The following EFNA5 variants were observed in gnomAD, a reference collection of about 807,000 sequenced individuals.
EFNA5 encodes the protein ephrin-A5.
Under a neutral mutation model 22.9 loss-of-function variants are expected in EFNA5, and 5 were observed. That is an observed-to-expected ratio of 0.22 (90% CI 0.11 to 0.46). The LOEUF (loss-of-function observed/expected upper bound fraction) is 0.46, where lower values mean the gene tolerates loss of function less well. EFNA5 is among the 20% of genes least tolerant of loss of function. EFNA5 has a pLI of 0.99. For synonymous variants in EFNA5, 113 were observed against 112.2 expected, an observed-to-expected ratio of 1.01 and a Z score of -0.04; for missense variants, 237 against 293.3, an observed-to-expected ratio of 0.81 and a Z score of 1.40.
At chr5:107,621,142 C>T (rs555835942) in intron 1 of EFNA5, among the ~76,000 whole-genome samples, 36 of 152,314 alleles carry the variant, frequency 2.4e-4, no homozygotes, top group African/African-American at 8.7e-4. Flanking sequence ...ATCATATTCA[C>T]ACTTCTGAAA....
At chr5:107,645,302 C>T (rs1580579224) in intron 1 of EFNA5, among the ~76,000 whole-genome samples, 1 of 152,282 alleles carries the variant, frequency 6.6e-6, no homozygotes, top group East Asian at 1.9e-4. Flanking sequence ...TCCGGGCTAC[C>T]TTTAAACTTG....
At chr5:107,499,312 A>G (rs1747078783) in intron 1 of EFNA5, among the ~76,000 whole-genome samples, 2 of 152,200 alleles carry the variant, frequency 1.3e-5, no homozygotes, top group Non-Finnish European at 2.9e-5. Flanking sequence ...TCTCTGAGTA[A>G]CAACAGGTTG....
Position 107,559,055 on chromosome 5 carries a change from T to C in EFNA5, c.125+111434A>G, listed in dbSNP as rs1468047477. Reference sequence around the variant, plus strand: ...GATGACAGAATGGCAAGAAGGGATGTTTGAGATAATCTTATGTTTCAGGGA... The same window carrying C: ...GATGACAGAATGGCAAGAAGGGATGCTTGAGATAATCTTATGTTTCAGGGA... On this transcript the variant is annotated intron_variant, in intron 1 of 4. Transcript: ENST00000333274. 2.0e-5 allele frequency among the ~76,000 whole-genome samples: 3 copies of C among 152,162 alleles called. No homozygotes were observed. The South Asian group carries it at 6.2e-4, about 32-fold the overall frequency.
intron 1 of EFNA5, among the ~76,000 whole-genome samples, chr5:107,654,305 C>A (rs1240523020): frequency 6.6e-6 from 1 of 152,060 alleles, no homozygotes; most frequent in Non-Finnish European, 1.5e-5. Context: ...AAATATGAAA[C>A]TACTTAACCA....
At chr5:107,491,908 C>T (rs931277671) in intron 1 of EFNA5, among the ~76,000 whole-genome samples, 6 of 152,180 alleles carry the variant, frequency 3.9e-5, no homozygotes, top group African/African-American at 1.4e-4. Flanking sequence ...AATCTCGGCT[C>T]ACTGCAACCT....
chr5:107,393,984 T>C (rs950299575), intron 2 of EFNA5, among the ~76,000 whole-genome samples: 2 of 152,182 alleles, frequency 1.3e-5, no homozygotes, highest in Non-Finnish European at 2.9e-5. Context: ...CACAGAAAAC[T>C]TGTTAAAACA....
intron 1 of EFNA5, among the ~76,000 whole-genome samples, chr5:107,462,197 C>G (rs1393772604): frequency 2.0e-5 from 3 of 151,852 alleles, no homozygotes; most frequent in Admixed American, 1.3e-4. Flanking sequence ...GAGTGAAGAA[C>G]TGAGAAAGAT....
chr5:107,439,098 C>G (rs975682300), intron 1 of EFNA5, among the ~76,000 whole-genome samples: 1 of 152,122 alleles, frequency 6.6e-6, no homozygotes, highest in Non-Finnish European at 1.5e-5. Context: ...TAAGCCCCAA[C>G]CCACAATGTG....
Position 107,652,984 on chromosome 5 carries a change from T to A in EFNA5, c.125+17505A>T, listed in dbSNP as rs76419334. Reference sequence around the variant, plus strand: ...ATGGCATATGGTTCTCCCTCACCCATCTGATGCCCCAGGGATGCCAAGGCA... The same window carrying A: ...ATGGCATATGGTTCTCCCTCACCCAACTGATGCCCCAGGGATGCCAAGGCA... On this transcript the variant is annotated intron_variant, in intron 1 of 4. Coordinates refer to ENST00000333274, the MANE Select transcript of EFNA5 (RefSeq NM_001962.3). 9.9e-5 allele frequency among the ~76,000 whole-genome samples: 15 copies of A among 152,104 alleles called. No homozygotes were observed. The South Asian group carries it at 2.1e-3, about 21-fold the overall frequency.
intron 1 of EFNA5, among the ~76,000 whole-genome samples, chr5:107,497,556 G>A (rs1747019097): frequency 6.6e-6 from 1 of 152,170 alleles, no homozygotes; most frequent in Non-Finnish European, 1.5e-5. Context: ...TCTAAAGAAG[G>A]CATAAGATGC....
chr5:107,585,920 T>C (rs1269186458), intron 1 of EFNA5, among the ~76,000 whole-genome samples: 2 of 152,198 alleles, frequency 1.3e-5, no homozygotes, highest in African/African-American at 4.8e-5. Flanking sequence ...CACTGGTATG[T>C]TTAATGCTGC....
At chr5:107,556,651 C>T (rs941372731) in intron 1 of EFNA5, among the ~76,000 whole-genome samples, 2 of 151,784 alleles carry the variant, frequency 1.3e-5, no homozygotes, top group Admixed American at 6.6e-5. Context: ...GAGGCTGGCA[C>T]GGGAGAATCG....
chr5:107,533,587 T>G (rs1216089619), intron 1 of EFNA5, among the ~76,000 whole-genome samples: 1 of 152,220 alleles, frequency 6.6e-6, no homozygotes, highest in Non-Finnish European at 1.5e-5. Context: ...AAGGAAGGTC[T>G]ACCTAATCTT....
At chr5:107,535,205 TAGAA>T (rs911992846) in intron 1 of EFNA5, among the ~76,000 whole-genome samples, 14 of 152,206 alleles carry the variant, frequency 9.2e-5, no homozygotes, top group African/African-American at 3.1e-4. Flanking sequence ...ACTGCAGACT[TAGAA>T]AGGAAAAATA....
At chr5:107,414,429 TTGTGAGCTCCTA>T (rs1362445973) in intron 2 of EFNA5, among the ~76,000 whole-genome samples, 1 of 152,170 alleles carries the variant, frequency 6.6e-6, no homozygotes, top group East Asian at 1.9e-4. Flanking sequence ...CCACACTGGA[TTGTGAGCTCCTA>T]GAGGACAAAA....
chr5:107,534,166 T>C (rs546902016), intron 1 of EFNA5, among the ~76,000 whole-genome samples: 33 of 152,346 alleles, frequency 2.2e-4, no homozygotes, highest in African/African-American at 7.0e-4. Context: ...AAGGTTGTTA[T>C]GATAACAGCA....
chr5:107,623,058 A>AAAAAAAC (rs1750072180), intron 1 of EFNA5, among the ~76,000 whole-genome samples: 4 of 143,768 alleles, frequency 2.8e-5, no homozygotes, highest in African/African-American at 1.0e-4. Flanking sequence ...AAAAAAAAAA[A>AAAAAAAC]GTTGAATACT....
At chr5:107,418,436 AACC>A (rs1748564585) in intron 2 of EFNA5, among the ~76,000 whole-genome samples, 1 of 152,214 alleles carries the variant, frequency 6.6e-6, no homozygotes, top group African/African-American at 2.4e-5. Context: ...TAGGAGATGC[AACC>A]ACGTTTGACA....
chr5:107,422,082 C>A (rs140540047), intron 2 of EFNA5, among the ~76,000 whole-genome samples: 1 of 152,202 alleles, frequency 6.6e-6, no homozygotes, highest in African/African-American at 2.4e-5. Flanking sequence ...TGAGCCACTG[C>A]GCCCGGCCCT....
Sources: gnomAD v4.1 joint callset for allele counts (sites outside exome capture counted in the v4.1 genomes callset) on GRCh38, gnomAD v4.1.1 for gene constraint, MANE v1.5 for transcripts, NCBI Gene and HGNC (gene_info 2026-07-23, HGNC 2026-07-21) for gene names.